KARS1: variants seen among roughly 807,000 people sequenced by gnomAD.
KARS1 encodes the protein lysine--tRNA ligase.
In KARS1, 50 loss-of-function variants were observed where a neutral mutation model predicts 63.9. The ratio of observed to expected loss-of-function variants is 0.78; its 90% CI spans 0.62 to 0.99. KARS1 has a LOEUF of 0.99. Among genes scored for constraint, KARS1 ranks in the 50% least tolerant of loss-of-function variants. The probability of loss-of-function intolerance (pLI) is 0.00; values close to 1 mark genes in which losing one functional copy is unlikely to be tolerated. For synonymous variants in KARS1, 320 were observed against 264.6 expected, an observed-to-expected ratio of 1.21 and a Z score of -2.03; for missense variants, 816 against 754.5, an observed-to-expected ratio of 1.08 and a Z score of -0.95.
intron 13 of KARS1, 102 bp from the exon 14 acceptor site, chr16:75,628,095 CAG>C: frequency 1.3e-6 from 1 of 782,890 alleles, no homozygotes; most frequent in South Asian, 1.4e-5. Flanking sequence ...CACCAAAATC[CAG>C]AGATTAGTAT....
Position 75,631,516 on chromosome 16 carries a change from A to G in KARS1, c.1152T>C (p.Asp384=), listed in dbSNP as rs1305699160. ...GCCGGAAGGGTGGGGTGAAGTCAAC[A>G]TCGTAGGCTTGGCCCTCTGGGCCAT... The part of the protein sequence containing the change: ...HPDGPEGQAY[D]VDFTPPFRRI... Residue 384 remains aspartate (D), a synonymous_variant, in exon 9 of 14, where the codon GAT becomes GAC. Coordinates refer to ENST00000302445, the MANE Select transcript of KARS1 (RefSeq NM_005548.3). The G allele has an allele frequency of 6.2e-7, 1 of 1,614,152 alleles. No homozygotes were observed. The highest frequency in any genetic ancestry group is 8.5e-7 in the Non-Finnish European group (1 of 1,180,000).
chr16:75,647,648 A>C lies in KARS1; in HGVS notation c.-9T>G. Reference sequence around the variant, plus strand: ...GCCTGCACGGCCGCCATCTTCCCGGAGGGCCCGACCCAAAAGTAAGGAGGA... The same window carrying C: ...GCCTGCACGGCCGCCATCTTCCCGGCGGGCCCGACCCAAAAGTAAGGAGGA... On this transcript the variant is annotated 5_prime_UTR_variant, in exon 1 of 14. Transcript: ENST00000302445. 6.2e-7 allele frequency: 1 copy of C among 1,613,766 alleles called. No homozygotes were observed. The highest frequency in any genetic ancestry group is 8.5e-7 in the Non-Finnish European group (1 of 1,179,828).
intron 7 of KARS1, among the ~76,000 whole-genome samples, chr16:75,632,873 G>T (rs1250957336): frequency 6.6e-6 from 1 of 152,178 alleles, no homozygotes; most frequent in Non-Finnish European, 1.5e-5. Context: ...AGGTTACGTA[G>T]CTTGTAATAA....
At chr16:75,630,681 G>C (rs2082102197) in intron 10 of KARS1, among the ~76,000 whole-genome samples, 173 bp from the exon 11 acceptor site, 1 of 151,998 alleles carries the variant, frequency 6.6e-6, no homozygotes, top group Admixed American at 6.6e-5. Flanking sequence ...TGTCGCCCAG[G>C]CTGGAGTGCA....
Position 75,627,795 on chromosome 16 carries a change from G to C in KARS1, c.*100C>G, listed in dbSNP as rs998945690. The stretch of plus-strand genomic sequence containing the variant: ...CTTCTGATGGCTGAACAGAACTGCG[G>C]TGTCAAATGGAAAGCAGCACACAAG... On this transcript the variant is annotated 3_prime_UTR_variant, in exon 14 of 14. Coordinates refer to ENST00000302445, the MANE Select transcript of KARS1 (RefSeq NM_005548.3). 24 of 788,540 alleles carry C rather than the reference G, an allele frequency of 3.0e-5. No individual in the cohort carries two copies. The highest frequency in any genetic ancestry group is 5.6e-5 in the Non-Finnish European group (24 of 429,820). The allele number at this position is 788,540 out of a possible 1,614,324, so 48.8% of individuals were successfully genotyped here.
Position 75,631,686 on chromosome 16 carries a change from G to A in KARS1, c.1078+7C>T, listed in dbSNP as rs2151802184. 1.9e-6 allele frequency: 3 copies of A among 1,614,186 alleles called. No homozygotes were observed. Among genetic ancestry groups the A allele is most frequent in the Non-Finnish European group, 2.5e-6 (3 of 1,180,016 alleles). ...ACCCGATGAGTATGAGAGAGAGCAG[G>A]AGTCACCTGAAACCATCTTCTCCGT... On this transcript the variant is annotated splice_region_variant and intron_variant, in intron 8 of 13. Transcript: ENST00000302445.
rs16941533 is a variant in KARS1, at chr16:75,640,578, C to T, written c.223-229G>A. Among the ~76,000 whole-genome samples the T allele has an allele frequency of 0.3, 45,044 of 152,066 alleles. 10,233 individuals carry two copies. Among genetic ancestry groups the T allele is most frequent in the East Asian group, 0.75 (3,852 of 5,158 alleles). On this transcript the variant is annotated intron_variant, in intron 2 of 13. Coordinates refer to ENST00000302445, the MANE Select transcript of KARS1 (RefSeq NM_005548.3). Reference sequence around the variant, plus strand: ...ATGCAAGAGTCAACAAAAAGAAAAACCTGAGTTCTGCCTAAAATCATAAAA... The same window carrying T: ...ATGCAAGAGTCAACAAAAAGAAAAATCTGAGTTCTGCCTAAAATCATAAAA...
rs900859529 is a variant in KARS1, at chr16:75,631,162, T to A, written c.1338+6A>T. 3 of 1,611,818 alleles carry A rather than the reference T, an allele frequency of 1.9e-6. No individual in the cohort carries two copies. Among genetic ancestry groups the A allele is most frequent in the African/African-American group, 2.7e-5 (2 of 74,882 alleles). ...GGACATGTACAAGAAGGCAGGGCCT[T>A]CTCACCTTGTCAAGGAGCCTGGCTG... is the stretch of plus-strand genomic sequence containing the variant. On this transcript the variant is annotated splice_donor_region_variant and intron_variant, in intron 10 of 13. Coordinates refer to ENST00000302445, the MANE Select transcript of KARS1 (RefSeq NM_005548.3).
At chr16:75,647,238 A>G (rs1260393448) in intron 1 of KARS1, among the ~76,000 whole-genome samples, 4 of 152,212 alleles carry the variant, frequency 2.6e-5, no homozygotes, top group African/African-American at 7.2e-5. Flanking sequence ...TCAACAAAAG[A>G]ATGCATTTCT....
chr16:75,636,707 C>G (rs1416197994), intron 3 of KARS1, among the ~76,000 whole-genome samples, 160 bp from the exon 4 acceptor site: 1 of 151,480 alleles, frequency 6.6e-6, no homozygotes. Flanking sequence ...GATCTCAGCT[C>G]AATGCAACCT....
At chr16:75,643,314 T>C (rs1567504914) in intron 1 of KARS1, among the ~76,000 whole-genome samples, 1 of 151,936 alleles carries the variant, frequency 6.6e-6, no homozygotes, top group Non-Finnish European at 1.5e-5. Flanking sequence ...TCAGGACACA[T>C]CCTTCATTTT....
intron 4 of KARS1, 73 bp from the exon 5 acceptor site, chr16:75,636,171 C>A: frequency 1.1e-6 from 1 of 943,884 alleles, no homozygotes; most frequent in African/African-American, 1.6e-5. Context: ...CTCTGGAACC[C>A]TCACTCAACT....
chr16:75,645,032 A>G (rs1329727207), intron 1 of KARS1, among the ~76,000 whole-genome samples: 1 of 152,232 alleles, frequency 6.6e-6, no homozygotes, highest in Non-Finnish European at 1.5e-5. Context: ...CAACAGAATT[A>G]CAGAGATCAC....
chr16:75,645,451 G>C (rs968649415), intron 1 of KARS1, among the ~76,000 whole-genome samples: 1 of 152,208 alleles, frequency 6.6e-6, no homozygotes. Flanking sequence ...AACTCCTCTT[G>C]CAAGGTTATT....
intron 10 of KARS1, among the ~76,000 whole-genome samples, chr16:75,630,735 A>G (rs1462218378): frequency 6.6e-6 from 1 of 152,040 alleles, no homozygotes; most frequent in Non-Finnish European, 1.5e-5. Context: ...TCCTGGTTCC[A>G]GTGATTCTCG....
intron 3 of KARS1, among the ~76,000 whole-genome samples, chr16:75,639,378 C>T (rs1014481615): frequency 9.9e-5 from 15 of 151,668 alleles, no homozygotes; most frequent in Admixed American, 9.8e-4. Flanking sequence ...TCGAGACCAG[C>T]CTGGTCAATA....
intron 3 of KARS1, among the ~76,000 whole-genome samples, chr16:75,638,848 A>G (rs1445350424): frequency 6.6e-6 from 1 of 152,218 alleles, no homozygotes; most frequent in African/African-American, 2.4e-5. Context: ...GTAAAGCAAG[A>G]AACAGAATAA....
At position 75,635,877 on chromosome 16, in the gene KARS1, T is replaced by C. The variant is rs762878161; in HGVS notation, c.669+35A>G. 1.9e-6 allele frequency: 3 copies of C among 1,613,724 alleles called. No individual in the cohort carries two copies. In the East Asian group the frequency reaches 6.7e-5, roughly 36 times the overall value. On this transcript the variant is annotated intron_variant, in intron 5 of 13. Transcript: ENST00000302445. ...AGGTATGATAAAACAAACAGAAAGC[T>C]AGGAGGCCACAGCTAGGAGGCCAAG...
intron 3 of KARS1, among the ~76,000 whole-genome samples, chr16:75,638,942 T>C (rs1247204799): frequency 1.3e-5 from 2 of 152,000 alleles, no homozygotes; most frequent in South Asian, 2.1e-4. Context: ...CCGTGGCAGG[T>C]GGATCACCTG....
Sources: allele counts gnomAD v4.1 joint callset (sites outside exome capture counted in the v4.1 genomes callset), GRCh38; gene constraint gnomAD v4.1.1; transcripts MANE v1.5; gene names NCBI Gene and HGNC (gene_info 2026-07-23, HGNC 2026-07-21).